The following GADL1 variants were observed in gnomAD, a reference collection of about 807,000 sequenced individuals.
The protein encoded by GADL1 is acidic amino acid decarboxylase GADL1.
GADL1 carries 71 observed loss-of-function variants against 69.5 expected under a neutral mutation model. That is an observed-to-expected ratio of 1.02 (90% CI 0.84 to 1.25). The LOEUF (loss-of-function observed/expected upper bound fraction) is 1.25, where lower values mean the gene tolerates loss of function less well. Ranked by LOEUF, GADL1 falls within the 50% of genes most tolerant of loss-of-function variation. The pLI, the probability that GADL1 is intolerant of heterozygous loss-of-function variation, is 0.00. For synonymous variants in GADL1, 254 were observed against 214.4 expected (o/e 1.18, Z -1.62); for missense variants, 737 against 631.8 (o/e 1.17, Z -1.79).
chr3:30,879,817 T>C (rs570792996), intron 1 of GADL1, among the ~76,000 whole-genome samples: 65 of 152,054 alleles, frequency 4.3e-4, no homozygotes, highest in African/African-American at 1.5e-3. Context: ...AAAAAAACTC[T>C]GTAATTTTGT....
intron 2 of GADL1, 53 bp downstream of exon 2, chr3:30,861,540 G>A (rs1404763687): frequency 7.5e-7 from 1 of 1,336,036 alleles, no homozygotes; most frequent in Non-Finnish European, 1.0e-6. Flanking sequence ...TACTGATTTG[G>A]GGAACATCTA....
intron 11 of GADL1, among the ~76,000 whole-genome samples, chr3:30,825,814 C>T (rs1697672212): frequency 6.6e-6 from 1 of 151,850 alleles, no homozygotes; most frequent in Non-Finnish European, 1.5e-5. Context: ...CAACAAATAC[C>T]TAACACATGC....
At chr3:30,844,539 A>G (rs1381335702) in intron 6 of GADL1, 73 bp from the exon 7 acceptor site, 1 of 984,016 alleles carries the variant, frequency 1.0e-6, no homozygotes, top group African/African-American at 1.6e-5. Context: ...CTTATTATCA[A>G]AGGTAGATGA....
At chr3:30,762,802 G>T (rs1243364924) in intron 14 of GADL1, among the ~76,000 whole-genome samples, 1 of 151,846 alleles carries the variant, frequency 6.6e-6, no homozygotes, top group Admixed American at 6.6e-5. Flanking sequence ...AATTGTTTTT[G>T]ATTTTTAGAT....
At chr3:30,864,420 C>T (rs1354768503) in intron 1 of GADL1, among the ~76,000 whole-genome samples, 1 of 151,782 alleles carries the variant, frequency 6.6e-6, no homozygotes, top group Non-Finnish European at 1.5e-5. Flanking sequence ...AATGTCAACA[C>T]CCACTCGTAA....
intron 1 of GADL1, among the ~76,000 whole-genome samples, chr3:30,877,448 A>G (rs1698593031): frequency 1.3e-5 from 2 of 151,906 alleles, no homozygotes; most frequent in Non-Finnish European, 2.9e-5. Context: ...AGGGAATCCA[A>G]TTTTTCATAA....
rs1695391969 is a variant in GADL1, at chr3:30,727,793, G to A, written c.*449C>T. ...CAGAATACTGGGCCTCACCCCCAGA[G>A]CTTCTGATCCAGTTGGTCTAGAGAA... On this transcript the variant is annotated 3_prime_UTR_variant, in exon 15 of 15. Transcript: ENST00000282538. 6.6e-6 allele frequency: 1 copy of A among 152,666 alleles called. No homozygotes were observed. Among genetic ancestry groups the A allele is most frequent in the Non-Finnish European group, 1.5e-5 (1 of 68,406 alleles). 9.5% of individuals were successfully genotyped at this position (152,666 alleles called of 1,614,324 possible). A position where few individuals can be genotyped will look rare whatever the true frequency, so the allele number is the denominator to read the frequency against.
chr3:30,847,031 C>T (rs1244027015), intron 6 of GADL1, among the ~76,000 whole-genome samples: 1 of 152,188 alleles, frequency 6.6e-6, no homozygotes, highest in African/African-American at 2.4e-5. Flanking sequence ...ATCATAATTA[C>T]TGCTTTATGC....
intron 11 of GADL1, among the ~76,000 whole-genome samples, chr3:30,824,467 C>T (rs1182312949): frequency 6.6e-6 from 1 of 151,478 alleles, no homozygotes. Flanking sequence ...CCGGATGGAA[C>T]CTTAGAGATA....
intron 8 of GADL1, among the ~76,000 whole-genome samples, chr3:30,840,017 TGTG>T (rs1326585802): frequency 1.3e-5 from 2 of 151,954 alleles, no homozygotes; most frequent in African/African-American, 4.8e-5. Context: ...TGCAGACAAA[TGTG>T]GGGGTGAGGG....
intron 14 of GADL1, among the ~76,000 whole-genome samples, chr3:30,775,191 C>T (rs1474541271): frequency 2.0e-5 from 3 of 152,202 alleles, no homozygotes; most frequent in African/African-American, 7.2e-5. Context: ...TGCGCTCATA[C>T]CCTTCAACTC....
intron 1 of GADL1, among the ~76,000 whole-genome samples, chr3:30,890,961 T>A (rs1414640750): frequency 6.6e-6 from 1 of 152,166 alleles, no homozygotes; most frequent in Non-Finnish European, 1.5e-5. Flanking sequence ...AAACTGAGGC[T>A]CACAGAGGTT....
intron 14 of GADL1, among the ~76,000 whole-genome samples, chr3:30,755,201 CAT>C (rs1695939039): frequency 6.6e-6 from 1 of 152,114 alleles, no homozygotes; most frequent in Non-Finnish European, 1.5e-5. Flanking sequence ...TAAATCATAT[CAT>C]TTATATTTGT....
intron 14 of GADL1, among the ~76,000 whole-genome samples, chr3:30,762,997 A>AG (rs1559491797): frequency 2.6e-5 from 4 of 152,188 alleles, no homozygotes; most frequent in African/African-American, 4.8e-5. Context: ...GTTGCTCCCA[A>AG]ATCTTAGCTA....
chr3:30,730,331 A>G (rs1164809457), intron 14 of GADL1, among the ~76,000 whole-genome samples: 1 of 152,228 alleles, frequency 6.6e-6, no homozygotes, highest in African/African-American at 2.4e-5. Context: ...TTTTGTAAAA[A>G]CTAAGTTGAG....
chr3:30,794,720 C>CT (rs1462945985), intron 12 of GADL1, among the ~76,000 whole-genome samples: 1 of 152,172 alleles, frequency 6.6e-6, no homozygotes, highest in Non-Finnish European at 1.5e-5. Context: ...TGCTAAATTT[C>CT]TGACAACCCA....
At chr3:30,731,010 G>A (rs1695449588) in intron 14 of GADL1, among the ~76,000 whole-genome samples, 1 of 152,212 alleles carries the variant, frequency 6.6e-6, no homozygotes. Context: ...CATCATAAAA[G>A]TACACTTGTT....
At chr3:30,791,956 G>T (rs888393439) in intron 12 of GADL1, among the ~76,000 whole-genome samples, 2 of 152,134 alleles carry the variant, frequency 1.3e-5, no homozygotes. Flanking sequence ...TGCCATGATT[G>T]TGAGGCCTCC....
chr3:30,739,366 C>A (rs1424195729), intron 14 of GADL1, among the ~76,000 whole-genome samples: 8 of 152,066 alleles, frequency 5.3e-5, no homozygotes, highest in Non-Finnish European at 1.5e-5. Flanking sequence ...TCTACCTGCC[C>A]CCACCTGCCT....
Sources: allele counts gnomAD v4.1 joint callset (sites outside exome capture counted in the v4.1 genomes callset), GRCh38; gene constraint gnomAD v4.1.1; transcripts MANE v1.5; gene names NCBI Gene and HGNC (gene_info 2026-07-23, HGNC 2026-07-21).